Variants in BAIAP2 observed in about 807,000 individuals in gnomAD.
BAIAP2 encodes the protein BAR/IMD domain-containing adapter protein 2.
Under a neutral mutation model 63.0 loss-of-function variants are expected in BAIAP2, and 18 were observed. The observed-to-expected ratio is 0.29, with a 90% CI of 0.20 to 0.42. The LOEUF is 0.42. Ranked by LOEUF, BAIAP2 falls within the 10% of genes least tolerant of loss-of-function variation. The probability of loss-of-function intolerance (pLI) is 1.00; values close to 1 mark genes in which losing one functional copy is unlikely to be tolerated. For synonymous variants in BAIAP2, 386 were observed against 307.6 expected, an observed-to-expected ratio of 1.25 and a Z score of -2.67; for missense variants, 610 against 734.3, an observed-to-expected ratio of 0.83 and a Z score of 1.96.
intron 1 of BAIAP2, among the ~76,000 whole-genome samples, chr17:81,043,262 C>T (rs2047334891): frequency 6.6e-6 from 1 of 152,246 alleles, no homozygotes; most frequent in South Asian, 2.1e-4. Context: ...GTTTTTCCAG[C>T]CCCCTCTTCC....
In BAIAP2 at chr17:81,058,108, C is replaced by T. The variant is rs1432279698; in HGVS notation, c.217+141C>T. On this transcript the variant is annotated intron_variant, in intron 3 of 13. Transcript: ENST00000428708. Reference sequence around the variant, plus strand: ...AGGAAAATATTTTAATGACAGTCACCCTGGGAGCTGCCTTGTGGGGCACAC... The same window carrying T: ...AGGAAAATATTTTAATGACAGTCACTCTGGGAGCTGCCTTGTGGGGCACAC... 9.7e-6 allele frequency: 7 copies of T among 722,868 alleles called. No homozygotes were observed. The South Asian group carries it at 1.0e-4, about 11-fold the overall frequency. 44.8% of individuals were successfully genotyped at this position (722,868 alleles called of 1,614,324 possible).
intron 7 of BAIAP2, among the ~76,000 whole-genome samples, chr17:81,100,537 T>C (rs2058348782): frequency 6.6e-6 from 1 of 152,012 alleles, no homozygotes; most frequent in Admixed American, 6.5e-5. Flanking sequence ...TCTGGGCTCA[T>C]GGCTCTGCTC....
At chr17:81,053,239 AT>A (rs551407992) in intron 1 of BAIAP2, 119 of 185,258 alleles carry the variant, frequency 6.4e-4, no homozygotes, top group African/African-American at 2.4e-3. Context: ...GTTGAGCAGG[AT>A]TTTAGTGGGA....
At chr17:81,038,764 C>T (rs950205110) in intron 1 of BAIAP2, among the ~76,000 whole-genome samples, 2 of 152,228 alleles carry the variant, frequency 1.3e-5, no homozygotes, top group African/African-American at 2.4e-5. Flanking sequence ...CCTGGCTGTT[C>T]CTCTCTGCCA....
At chr17:81,092,913 A>G (rs1325209464) in intron 6 of BAIAP2, among the ~76,000 whole-genome samples, 5 of 152,014 alleles carry the variant, frequency 3.3e-5, no homozygotes. Flanking sequence ...GCTCCTCCTT[A>G]GAACAGAGGG....
intron 3 of BAIAP2, among the ~76,000 whole-genome samples, chr17:81,063,214 G>GT (rs963317702): frequency 6.0e-4 from 91 of 152,246 alleles, no homozygotes; most frequent in African/African-American, 2.1e-3. Flanking sequence ...GTATGAGGGG[G>GT]TGAGGCTGGG....
Position 81,103,952 on chromosome 17 carries a change from G to T in BAIAP2, c.910G>T (p.Gly304Cys). Residue 304 changes from glycine to cysteine, a missense_variant, in exon 9 of 14, where the codon GGC (glycine) becomes TGC (cysteine). By Grantham distance (159) the Gly-to-Cys change is radical. This residue lies in a region of BAIAP2 where 389 missense variants were observed against 455.6 expected (regional missense o/e 0.85). Transcript: ENST00000428708. ...CACACCCATCATGAACGGCGTCACA[G>T]GCCCGGATGGCGAGGACTACAGCCC... ...ESTPIMNGVT[G>C]PDGEDYSPWA... is the part of the protein sequence containing the mutation. The T allele has an allele frequency of 6.2e-7, 1 of 1,613,048 alleles. No individual in the cohort carries two copies. Among genetic ancestry groups the T allele is most frequent in the Non-Finnish European group, 8.5e-7 (1 of 1,180,028 alleles).
At chr17:81,098,156 G>A in intron 6 of BAIAP2, 2 of 1,472,184 alleles carry the variant, frequency 1.4e-6, no homozygotes, top group Non-Finnish European at 9.0e-7. Context: ...GAGCCCTGGG[G>A]TTTGGAACTG....
At chr17:81,054,670 A>G (rs922497151) in intron 2 of BAIAP2, among the ~76,000 whole-genome samples, 3 of 152,160 alleles carry the variant, frequency 2.0e-5, no homozygotes, top group Admixed American at 1.3e-4. Flanking sequence ...AACGCCCTGC[A>G]GCTCCTTCTC....
Position 81,076,023 on chromosome 17 carries a change from A to G in BAIAP2, c.218-8809A>G, listed in dbSNP as rs1187199190. Among the ~76,000 whole-genome samples, 3 of 150,542 alleles carry G rather than the reference A, an allele frequency of 2.0e-5. No individual in the cohort carries two copies. The East Asian group carries it at 5.9e-4, about 29-fold the overall frequency. On this transcript the variant is annotated intron_variant, in intron 3 of 13. Transcript: ENST00000428708. The stretch of plus-strand genomic sequence containing the variant: ...CTGCACCCGGGTGTTCCCTCTTGCT[A>G]GTAATCCTGAGGTTTGGTAGAAGCC...
rs1426429390 is a variant in BAIAP2, at chr17:81,108,478, C to T, written c.1504C>T (p.Leu502=). Residue 502 remains leucine, a synonymous_variant, in exon 13 of 14, where the codon CTG becomes TTG. Coordinates refer to ENST00000428708, the MANE Select transcript of BAIAP2 (RefSeq NM_001144888.2). The part of the protein sequence containing the change: ...SVAVPAFSQG[L]DDYGARSMSR... Reference sequence around the variant, plus strand: ...ATGTTTCTGCCTCTGCCCCCAGGGCCTGGATGACTATGGAGCGCGGTCCAT... The same window carrying T: ...ATGTTTCTGCCTCTGCCCCCAGGGCTTGGATGACTATGGAGCGCGGTCCAT... The T allele has an allele frequency of 6.2e-7, 1 of 1,613,840 alleles. No homozygotes were observed. Among genetic ancestry groups the T allele is most frequent in the Non-Finnish European group, 8.5e-7 (1 of 1,180,012 alleles).
At chr17:81,083,994 G>A (rs533740558) in intron 3 of BAIAP2, 3 of 152,334 alleles carry the variant, frequency 2.0e-5, no homozygotes, top group Non-Finnish European at 2.9e-5. Context: ...TGCGCCCCTG[G>A]GGCTGCCCCC....
intron 6 of BAIAP2, among the ~76,000 whole-genome samples, chr17:81,087,316 C>T (rs1195450017): frequency 3.3e-5 from 5 of 152,218 alleles, no homozygotes; most frequent in Admixed American, 6.5e-5. Flanking sequence ...GCCTCCAGGC[C>T]GCACCCTTCC....
Position 81,103,400 on chromosome 17 carries a change from C to T in BAIAP2, c.643-102C>T. The T allele has an allele frequency of 4.4e-6, 5 of 1,136,942 alleles. No homozygotes were observed. In the South Asian group the frequency reaches 6.9e-5, roughly 16 times the overall value. 70.4% of individuals were successfully genotyped at this position (1,136,942 alleles called of 1,614,324 possible). The stretch of plus-strand genomic sequence containing the variant: ...GAGGTACCACCTGGTGAAGAGCAGC[C>T]TCCAGCCCCAGAGAGTGCTCAGGGA... On this transcript the variant is annotated intron_variant, in intron 7 of 13. Transcript: ENST00000428708.
chr17:81,106,383 C>T (rs964787203), intron 11 of BAIAP2, among the ~76,000 whole-genome samples: 2 of 152,194 alleles, frequency 1.3e-5, no homozygotes, highest in East Asian at 1.9e-4. Flanking sequence ...GCAGCAGGTG[C>T]TATGGGGGCA....
At position 81,039,315 on chromosome 17, in the gene BAIAP2, C is replaced by T. The variant is rs923472192; in HGVS notation, c.54+4007C>T. On this transcript the variant is annotated intron_variant, in intron 1 of 13. Transcript: ENST00000428708. ...GGCACTGTCCTGCCGGTTGTTGGCT[C>T]CAGGGTGTACAACCCTTCTGCTGGT... is the stretch of plus-strand genomic sequence containing the variant. Among the ~76,000 whole-genome samples the T allele has an allele frequency of 2.0e-5, 3 of 152,240 alleles. No homozygotes were observed. The South Asian group carries it at 6.2e-4, about 31-fold the overall frequency.
At chr17:81,090,799 G>C (rs1392759485) in intron 6 of BAIAP2, among the ~76,000 whole-genome samples, 2 of 152,232 alleles carry the variant, frequency 1.3e-5, no homozygotes, top group Non-Finnish European at 2.9e-5. Context: ...GCCTGGCTGG[G>C]ATGTGCTGCC....
intron 13 of BAIAP2, chr17:81,111,088 C>T: frequency 3.6e-6 from 4 of 1,098,924 alleles, no homozygotes; most frequent in Non-Finnish European, 5.4e-6. Flanking sequence ...TCCACTGAGC[C>T]TGCCTCTCAC....
chr17:81,105,011 C>T (rs2058967355), intron 10 of BAIAP2: 1 of 329,788 alleles, frequency 3.0e-6, no homozygotes, highest in East Asian at 6.5e-5. Context: ...GGATCTCCCC[C>T]AATGGCAGGT....
Sources: gnomAD v4.1 joint callset for allele counts (sites outside exome capture counted in the v4.1 genomes callset) on GRCh38, gnomAD v4.1.1 for gene constraint, gnomAD v4.1.1 regional missense constraint, MANE v1.5 for transcripts, NCBI Gene and HGNC (gene_info 2026-07-23, HGNC 2026-07-21) for gene names.